The following SLC45A1 variants were observed in gnomAD, a reference collection of about 807,000 sequenced individuals.
The protein encoded by SLC45A1 is proton-associated sugar transporter A.
Under a neutral mutation model 57.6 loss-of-function variants are expected in SLC45A1, and 28 were observed. The observed-to-expected ratio is 0.49, with a 90% CI of 0.36 to 0.67. The LOEUF (loss-of-function observed/expected upper bound fraction) is 0.67. Ranked by LOEUF, SLC45A1 falls within the 30% of genes least tolerant of loss-of-function variation. SLC45A1 has a pLI of 0.00. For missense variants in SLC45A1, 814 were observed against 1,041.5 expected (o/e 0.78, Z 3.01); for synonymous variants, 459 against 471.5 (o/e 0.97, Z 0.34).
chr1:8,339,684 T>A lies in SLC45A1; in HGVS notation c.1966T>A (p.Tyr656Asn). The change falls in exon 8 of 9, where the codon TAT becomes AAT. Residue 656 changes from tyrosine (Y) to asparagine (N), a missense_variant. Physicochemically the swap from Tyr to Asn is moderately radical, Grantham distance 143 (BLOSUM62 -2). Transcript: ENST00000471889. The part of the protein sequence containing the change: ...TLPYSLLCDY[Y>N]QSKKFAGSSA... ...GCCTTACTCGCTGCTCTGCGATTAC[T>A]ATCAGAGTAAGAAGGTAAGTGCTCT... 1.2e-6 allele frequency: 2 copies of A among 1,614,052 alleles called. No homozygotes were observed. Among genetic ancestry groups the A allele is most frequent in the Non-Finnish European group, 1.7e-6 (2 of 1,179,864 alleles).
chr1:8,329,957 G>A (rs918521878), intron 4 of SLC45A1, among the ~76,000 whole-genome samples: 3 of 152,180 alleles, frequency 2.0e-5, no homozygotes, highest in Non-Finnish European at 4.4e-5. Context: ...TAGGCAGGTG[G>A]TCACTGTGCT....
rs145801852 is a variant in SLC45A1, at chr1:8,343,846, G to A, written c.2080G>A (p.Val694Ile). ...CCTGGCTCAGATTCTGGTCTCCCTG[G>A]TCCTGGGGCCCCTGACCTCGGCCGT... is the stretch of plus-strand genomic sequence containing the variant. ...YFLAQILVSL[V>I]LGPLTSAVGS... Residue 694 changes from valine (V) to isoleucine (I), a missense_variant, in exon 9 of 9, where the codon GTC (valine) becomes ATC (isoleucine). Coordinates refer to ENST00000471889, the MANE Select transcript of SLC45A1 (RefSeq NM_001080397.3). The surrounding 1 kb of genome is among the most constrained non-coding windows in gnomAD (Gnocchi z 7.7). 1.2e-6 allele frequency: 2 copies of A among 1,614,128 alleles called. No homozygotes were observed. Among genetic ancestry groups the A allele is most frequent in the Non-Finnish European group, 8.5e-7 (1 of 1,180,008 alleles).
chr1:8,340,607 T>C (rs1243375164), intron 8 of SLC45A1, among the ~76,000 whole-genome samples: 2 of 152,344 alleles, frequency 1.3e-5, no homozygotes, highest in Non-Finnish European at 2.9e-5. Flanking sequence ...CTCAGATTTC[T>C]CTTGGCTTTT....
intron 7 of SLC45A1, among the ~76,000 whole-genome samples, chr1:8,338,394 G>C (rs556140525): frequency 6.6e-6 from 1 of 152,364 alleles, no homozygotes; most frequent in East Asian, 1.9e-4. Context: ...GGGGTGTGTG[G>C]TCGTGGAGCG....
At chr1:8,334,168 C>G (rs943035112) in intron 5 of SLC45A1, among the ~76,000 whole-genome samples, 1 of 152,144 alleles carries the variant, frequency 6.6e-6, no homozygotes, top group Admixed American at 6.5e-5. Flanking sequence ...TTTTCTGTTT[C>G]CTTTCTCCTT....
intron 5 of SLC45A1, among the ~76,000 whole-genome samples, chr1:8,334,250 C>T (rs1640526874): frequency 6.6e-6 from 1 of 152,210 alleles, no homozygotes; most frequent in Non-Finnish European, 1.5e-5. Flanking sequence ...CATCCAGGCT[C>T]AACGGAGACA....
At chr1:8,334,266 G>A (rs1431871234) in intron 5 of SLC45A1, among the ~76,000 whole-genome samples, 7 of 152,354 alleles carry the variant, frequency 4.6e-5, no homozygotes, top group East Asian at 1.9e-4. Context: ...AGACAGAGGC[G>A]TAACTGCAGC....
intron 5 of SLC45A1, among the ~76,000 whole-genome samples, chr1:8,334,996 C>T (rs1433664336): frequency 6.6e-6 from 1 of 152,190 alleles, no homozygotes; most frequent in East Asian, 1.9e-4. Context: ...GTGGGGGTTC[C>T]ACCTGTCCAG....
In SLC45A1 at chr1:8,343,051, C is replaced by T. The variant is rs1232889944; in HGVS notation, c.1981-696C>T. Among the ~76,000 whole-genome samples the T allele has an allele frequency of 6.6e-6, 1 of 152,224 alleles. No individual in the cohort carries two copies. Among genetic ancestry groups the T allele is most frequent in the Non-Finnish European group, 1.5e-5 (1 of 68,036 alleles). ...TAGGGAGTTTGGAGTCTGACAAGTT[C>T]AGCTGGGCTGGCCCTGAGCACAGCC... On this transcript the variant is annotated intron_variant, in intron 8 of 8. Coordinates refer to ENST00000471889, the MANE Select transcript of SLC45A1 (RefSeq NM_001080397.3). The surrounding 1 kb of genome is among the most constrained non-coding windows in gnomAD (Gnocchi z 7.7).
intron 6 of SLC45A1, among the ~76,000 whole-genome samples, chr1:8,336,409 C>CAAAAA (rs1208792018): frequency 1.1e-5 from 1 of 92,866 alleles, no homozygotes; most frequent in African/African-American, 4.1e-5. Flanking sequence ...GACTCCATCT[C>CAAAAA]AAAAAAAAAA....
At chr1:8,337,144 A>G (rs1640638355) in intron 6 of SLC45A1, among the ~76,000 whole-genome samples, 2 of 152,226 alleles carry the variant, frequency 1.3e-5, no homozygotes, top group African/African-American at 4.8e-5. Flanking sequence ...AGGACTCACA[A>G]TCATGGCGGA....
intron 1 of SLC45A1, among the ~76,000 whole-genome samples, chr1:8,320,692 TACACACACA>T (rs1302164622): frequency 4.9e-5 from 5 of 101,224 alleles, no homozygotes; most frequent in Admixed American, 2.3e-4. Flanking sequence ...TCTCTCTCTC[TACACACACA>T]CACACACACA....
chr1:8,343,758 C>T lies in SLC45A1; in HGVS notation c.1992C>T (p.Ser664=), dbSNP rs760820567. ...TTCCTCTGGGTCAGTTTGCAGGGTC[C>T]AGTGCGGACGGCACCCGGCGGGGCA... ...DYYQSKKFAG[S]SADGTRRGMG... The change falls in exon 9 of 9, where the codon TCC becomes TCT. Residue 664 remains serine, a synonymous_variant. Coordinates refer to ENST00000471889, the MANE Select transcript of SLC45A1 (RefSeq NM_001080397.3). The surrounding 1 kb of genome is among the most constrained non-coding windows in gnomAD (Gnocchi z 7.7). 3 of 1,612,826 alleles carry T rather than the reference C, an allele frequency of 1.9e-6. No homozygotes were observed. The East Asian group carries it at 6.7e-5, about 36-fold the overall frequency.
chr1:8,339,045 G>A (rs1402969374), intron 7 of SLC45A1, among the ~76,000 whole-genome samples: 2 of 152,184 alleles, frequency 1.3e-5, no homozygotes, highest in Non-Finnish European at 2.9e-5. Flanking sequence ...AGGGAGCCCC[G>A]TCGCTGACAT....
intron 8 of SLC45A1, among the ~76,000 whole-genome samples, chr1:8,340,982 G>A (rs1177814835): frequency 6.6e-6 from 1 of 151,964 alleles, no homozygotes; most frequent in East Asian, 1.9e-4. Context: ...CACGAGGTCA[G>A]GAGATTGAGA....
intron 8 of SLC45A1, among the ~76,000 whole-genome samples, chr1:8,340,615 T>C (rs1640778741): frequency 6.6e-6 from 1 of 152,234 alleles, no homozygotes; most frequent in South Asian, 2.1e-4. Flanking sequence ...TCTCTTGGCT[T>C]TTATTCCTTG....
chr1:8,339,222 G>A (rs7548093), intron 7 of SLC45A1, among the ~76,000 whole-genome samples: 27,691 of 152,150 alleles, frequency 0.18, 2,714 homozygotes, highest in South Asian at 0.32. Context: ...CAGAAGCCCT[G>A]GGGGACCTGG....
intron 1 of SLC45A1, among the ~76,000 whole-genome samples, chr1:8,320,858 A>C (rs1313069784): frequency 6.6e-6 from 1 of 152,148 alleles, no homozygotes; most frequent in Non-Finnish European, 1.5e-5. Context: ...GATTAGAAAG[A>C]GTGGGAGATA....
In SLC45A1 at chr1:8,325,988, G is replaced by T. The variant is rs767088633; in HGVS notation, c.661G>T (p.Val221Leu). The change falls in exon 4 of 9, where the codon GTG (valine) becomes TTG (leucine). Residue 221 changes from valine (V) to leucine (L), a missense_variant. Coordinates refer to ENST00000471889, the MANE Select transcript of SLC45A1 (RefSeq NM_001080397.3). The surrounding 1 kb of genome is among the most constrained non-coding windows in gnomAD (Gnocchi z 6.3). ...CCCCAGCCACGCCTACATGATGGACGTGTGCAGCCCCGCAGACCAGGACCG... is the reference window on the plus strand; with the variant it reads ...CCCCAGCCACGCCTACATGATGGACTTGTGCAGCCCCGCAGACCAGGACCG... The part of the protein sequence containing the change: ...DNPSHAYMMD[V>L]CSPADQDRGL... 1.9e-6 allele frequency: 3 copies of T among 1,611,174 alleles called. No individual in the cohort carries two copies. The highest frequency in any genetic ancestry group is 1.7e-6 in the Non-Finnish European group (2 of 1,180,014).
Sources: gnomAD v4.1 joint callset for allele counts (sites outside exome capture counted in the v4.1 genomes callset) on GRCh38, gnomAD v4.1.1 for gene constraint, Gnocchi (gnomAD v3.1) non-coding constraint, MANE v1.5 for transcripts, NCBI Gene and HGNC (gene_info 2026-07-23, HGNC 2026-07-21) for gene names.